The following LRBA variants were observed in gnomAD, a reference collection of about 807,000 sequenced individuals.
LRBA encodes the protein lipopolysaccharide-responsive and beige-like anchor protein.
A neutral mutation model predicts 330.0 loss-of-function variants in LRBA; 176 were observed. The observed-to-expected ratio is 0.53, with a 90% CI of 0.47 to 0.60. The LOEUF (loss-of-function observed/expected upper bound fraction) is 0.60, where lower values mean the gene tolerates loss of function less well. Among genes scored for constraint, LRBA ranks in the 20% least tolerant of loss-of-function variants. The probability of loss-of-function intolerance (pLI) is 0.00; values close to 1 mark genes in which losing one functional copy is unlikely to be tolerated. For missense variants in LRBA, 3,259 were observed against 3,444.8 expected, an observed-to-expected ratio of 0.95 and a Z score of 1.35; for synonymous variants, 1,230 against 1,193.0, an observed-to-expected ratio of 1.03 and a Z score of -0.64.
intron 2 of LRBA, among the ~76,000 whole-genome samples, chr4:150,990,130 A>T (rs1741908232): frequency 6.6e-6 from 1 of 152,164 alleles, no homozygotes; most frequent in Admixed American, 6.5e-5. Flanking sequence ...AAGGGTGGAT[A>T]TCTTGAGGAT....
intron 2 of LRBA, among the ~76,000 whole-genome samples, chr4:150,948,509 T>TA (rs1288488616): frequency 1.3e-5 from 2 of 151,992 alleles, no homozygotes; most frequent in Admixed American, 1.3e-4. Context: ...AAAACTTTTT[T>TA]AAAAACATAG....
chr4:150,762,593 A>C (rs983722461), intron 34 of LRBA, among the ~76,000 whole-genome samples: 1 of 151,876 alleles, frequency 6.6e-6, no homozygotes, highest in African/African-American at 2.4e-5. Flanking sequence ...ATATACCTAG[A>C]TTTGAAAAAT....
intron 45 of LRBA, among the ~76,000 whole-genome samples, chr4:150,436,369 TC>T (rs1157444471): frequency 6.6e-6 from 1 of 152,176 alleles, no homozygotes; most frequent in Non-Finnish European, 1.5e-5. Flanking sequence ...CTTACCTTAT[TC>T]CATTTGGGAC....
intron 52 of LRBA, among the ~76,000 whole-genome samples, chr4:150,304,255 C>T (rs944095208): frequency 6.6e-6 from 1 of 151,976 alleles, no homozygotes; most frequent in Non-Finnish European, 1.5e-5. Flanking sequence ...GTGTATTTAA[C>T]TTTTCAAGAT....
At chr4:150,383,277 C>T (rs1013957170) in intron 47 of LRBA, among the ~76,000 whole-genome samples, 24 of 152,250 alleles carry the variant, frequency 1.6e-4, no homozygotes, top group African/African-American at 3.6e-4. Context: ...GAGACAGTCT[C>T]GCTTTGTCAC....
intron 2 of LRBA, among the ~76,000 whole-genome samples, chr4:150,955,624 G>T (rs1579313696): frequency 6.7e-6 from 1 of 148,288 alleles, no homozygotes; most frequent in Non-Finnish European, 1.5e-5. Context: ...GGGCGCCGTG[G>T]CTCACACCTG....
At chr4:150,748,022 T>C (rs1308577317) in intron 35 of LRBA, among the ~76,000 whole-genome samples, 1 of 152,146 alleles carries the variant, frequency 6.6e-6, no homozygotes, top group Non-Finnish European at 1.5e-5. Context: ...CTGCCAATAA[T>C]ACCTCTTCCC....
chr4:150,651,799 T>A (rs1581927411), intron 37 of LRBA, among the ~76,000 whole-genome samples: 1 of 152,058 alleles, frequency 6.6e-6, no homozygotes, highest in Admixed American at 6.6e-5. Context: ...ATGGTGTGAG[T>A]CATGAAACAG....
intron 37 of LRBA, among the ~76,000 whole-genome samples, chr4:150,680,135 T>C (rs1237997299): frequency 6.6e-6 from 1 of 152,232 alleles, no homozygotes; most frequent in Non-Finnish European, 1.5e-5. Flanking sequence ...TCTTTCTTGC[T>C]TATTCCACTA....
chr4:150,597,132 TAAC>T, intron 38 of LRBA: 1 of 1,328,450 alleles, frequency 7.5e-7, no homozygotes, highest in African/African-American at 1.5e-5. Flanking sequence ...CATAGATAAT[TAAC>T]ATTGGATTAA....
At chr4:150,372,393 T>C (rs549078699) in intron 47 of LRBA, among the ~76,000 whole-genome samples, 8 of 151,916 alleles carry the variant, frequency 5.3e-5, no homozygotes, top group African/African-American at 1.9e-4. Flanking sequence ...GAGGATCACT[T>C]AAGCCCAGGA....
At chr4:150,355,677 G>C (rs1737742436) in intron 47 of LRBA, among the ~76,000 whole-genome samples, 1 of 151,950 alleles carries the variant, frequency 6.6e-6, no homozygotes, top group South Asian at 2.1e-4. Flanking sequence ...ATGAGAAAAT[G>C]AAAATCACTG....
chr4:150,547,870 T>C (rs911182515), intron 40 of LRBA, among the ~76,000 whole-genome samples: 1 of 152,144 alleles, frequency 6.6e-6, no homozygotes, highest in Non-Finnish European at 1.5e-5. Context: ...GAAATTAAAA[T>C]TATAATTTTA....
At chr4:150,806,834 G>A (rs1480868137) in intron 32 of LRBA, among the ~76,000 whole-genome samples, 1 of 151,964 alleles carries the variant, frequency 6.6e-6, no homozygotes, top group Admixed American at 6.6e-5. Context: ...AGACTCAACA[G>A]ACGTTGAGTG....
intron 40 of LRBA, among the ~76,000 whole-genome samples, chr4:150,509,952 C>A (rs186410248): frequency 3.6e-3 from 543 of 152,246 alleles, no homozygotes; most frequent in Non-Finnish European, 6.2e-3. Flanking sequence ...GCCTGGCCAA[C>A]ATGGTGAAAC....
chr4:150,822,089 G>GAA (rs149526416), intron 30 of LRBA, among the ~76,000 whole-genome samples: 3 of 149,564 alleles, frequency 2.0e-5, no homozygotes, highest in African/African-American at 7.3e-5. Flanking sequence ...CTCTAAATAA[G>GAA]AAAAAAAAAG....
chr4:150,410,176 T>C (rs943046609), intron 47 of LRBA, among the ~76,000 whole-genome samples: 1 of 152,178 alleles, frequency 6.6e-6, no homozygotes, highest in African/African-American at 2.4e-5. Context: ...CATGACAGTC[T>C]GTCTCTATGC....
intron 16 of LRBA, among the ~76,000 whole-genome samples, chr4:150,893,968 C>T (rs554285830): frequency 2.6e-5 from 4 of 152,276 alleles, no homozygotes; most frequent in Admixed American, 6.5e-5. Context: ...AGTGAGCCAC[C>T]GCGCCCGGCC....
In LRBA at chr4:150,697,822, G is replaced by GT. The variant is rs917694936; in HGVS notation, c.5755-14106dup. On this transcript the variant is annotated intron_variant, in intron 36 of 56. Coordinates refer to ENST00000651943, the MANE Select transcript of LRBA (RefSeq NM_001364905.1). ...CTACCTGTAGGGAAGGGCCAGTTTTGTTTTTTTTTTAACCTTTTTAAACAC... is the reference window on the plus strand; with the variant it reads ...CTACCTGTAGGGAAGGGCCAGTTTTGTTTTTTTTTTTAACCTTTTTAAACAC... Among the ~76,000 whole-genome samples, 93 of 146,464 alleles carry GT rather than the reference G, an allele frequency of 6.3e-4. 1 individual carries two copies. The highest frequency in any genetic ancestry group is 1.5e-3 in the South Asian group (7 of 4,612).
Sources: allele counts gnomAD v4.1 joint callset (sites outside exome capture counted in the v4.1 genomes callset), GRCh38; gene constraint gnomAD v4.1.1; transcripts MANE v1.5; gene names NCBI Gene and HGNC (gene_info 2026-07-23, HGNC 2026-07-21).